The following DCAF4 variants were observed in gnomAD, a reference collection of about 807,000 sequenced individuals.
DCAF4 encodes DDB1 and CUL4 associated factor 4.
DCAF4 carries 37 observed loss-of-function variants against 60.9 expected under a neutral mutation model. That is an observed-to-expected ratio of 0.61 (90% CI 0.47 to 0.80). DCAF4 has a LOEUF of 0.80. Among genes scored for constraint, DCAF4 ranks in the 30% least tolerant of loss-of-function variants. The pLI is 0.00. For synonymous variants in DCAF4, 243 were observed against 254.8 expected, an observed-to-expected ratio of 0.95 and a Z score of 0.44; for missense variants, 577 against 650.0, an observed-to-expected ratio of 0.89 and a Z score of 1.22.
At chr14:72,943,165 G>A in intron 6 of DCAF4, 69 bp downstream of exon 6, 1 of 1,431,002 alleles carries the variant, frequency 7.0e-7, no homozygotes, top group Non-Finnish European at 9.8e-7. Flanking sequence ...GCTTAGCGTT[G>A]CCAGTCATCA....
At chr14:72,934,549 CAA>C (rs1389398501) in intron 1 of DCAF4, among the ~76,000 whole-genome samples, 3 of 152,156 alleles carry the variant, frequency 2.0e-5, no homozygotes, top group Admixed American at 6.5e-5. Flanking sequence ...CTCAGTCTGC[CAA>C]AGTGCTGGGA....
intron 11 of DCAF4, 128 bp from the exon 12 acceptor site, chr14:72,955,395 C>T (rs1055589409): frequency 1.2e-5 from 13 of 1,126,348 alleles, no homozygotes; most frequent in Non-Finnish European, 1.5e-5. Context: ...CAAACCCTGA[C>T]CAGCACGTGT....
rs758174459 is a variant in DCAF4 at position 72,956,475 on chromosome 14, C to T, written c.1269C>T (p.His423=). ...NEYAYLPLHV[H]EEEGILVAVG... is the part of the protein sequence containing the mutation. The stretch of plus-strand genomic sequence containing the variant: ...ACGCCTACCTGCCCCTGCATGTGCA[C>T]GAGGAAGAAGGAATCCTGGTGGCAG... Residue 423 remains histidine (H), a synonymous_variant, in exon 13 of 14, where the codon CAC becomes CAT. Coordinates refer to ENST00000358377, the MANE Select transcript of DCAF4 (RefSeq NM_015604.4). The T allele has an allele frequency of 1.1e-5, 18 of 1,612,848 alleles. No individual in the cohort carries two copies. The highest frequency in any genetic ancestry group is 4.0e-5 in the African/African-American group (3 of 74,858).
At chr14:72,938,780 C>G (rs929894865) in intron 2 of DCAF4, among the ~76,000 whole-genome samples, 1 of 152,020 alleles carries the variant, frequency 6.6e-6, no homozygotes, top group Non-Finnish European at 1.5e-5. Flanking sequence ...GTATGACACT[C>G]CTGTGAACAG....
At chr14:72,943,859 G>A (rs61988547) in intron 6 of DCAF4, among the ~76,000 whole-genome samples, 7,231 of 152,240 alleles carry the variant, frequency 0.047, 234 homozygotes, top group Non-Finnish European at 0.075. Flanking sequence ...ACTGGAGGCC[G>A]ATGCTAGAGA....
intron 13 of DCAF4, chr14:72,957,473 G>A (rs1052018040): frequency 3.3e-5 from 5 of 152,266 alleles, no homozygotes; most frequent in Non-Finnish European, 7.4e-5. Flanking sequence ...CTATAGAAAG[G>A]GCTTATACCC....
chr14:72,961,865 C>A, downstream of DCAF4: 2 of 1,094,414 alleles, frequency 1.8e-6, no homozygotes, highest in Non-Finnish European at 2.3e-6. Context: ...TCCTCTCCAG[C>A]AGATGGCCAC....
intron 6 of DCAF4, 125 bp downstream of exon 6, chr14:72,943,221 T>A: frequency 1.2e-6 from 1 of 828,448 alleles, no homozygotes; most frequent in Non-Finnish European, 1.9e-6. Context: ...AGGTGGCATC[T>A]TCTTGGTTGT....
At chr14:72,941,689 C>T (rs1176841150) in intron 4 of DCAF4, 56 bp from the exon 5 acceptor site, 10 of 1,521,652 alleles carry the variant, frequency 6.6e-6, no homozygotes, top group Non-Finnish European at 9.1e-6. Flanking sequence ...CATTCTCCAT[C>T]ATCCCCTAAC....
intron 9 of DCAF4, 67 bp downstream of exon 9, chr14:72,951,944 A>G (rs947950395): frequency 1.9e-6 from 3 of 1,563,126 alleles, no homozygotes; most frequent in South Asian, 2.2e-5. Flanking sequence ...GGGGTGGCTT[A>G]GAGAGAAGTA....
chr14:72,955,623 AT>A lies in DCAF4; in HGVS notation c.1107del (p.His369GlnfsTer5). ...GKGWKATRLFHDSAVTSVRIL... is the reference protein window; with the variant it reads ...GKGWKATRLFXDSAVTSVRIL... ...GGATGGAAGGCCACCCGCCTGTTTC[AT>A]GATTCAGCAGTGACCTCTGTGCGGA... On this transcript the variant is annotated frameshift_variant, in exon 12 of 14. Coordinates refer to ENST00000358377, the MANE Select transcript of DCAF4 (RefSeq NM_015604.4). LOFTEE classifies it high-confidence loss of function. 1 of 1,614,176 alleles carries A rather than the reference AT, an allele frequency of 6.2e-7. No individual in the cohort carries two copies. The highest frequency in any genetic ancestry group is 8.5e-7 in the Non-Finnish European group (1 of 1,180,020).
chr14:72,936,557 C>T (rs1889300393), intron 1 of DCAF4, among the ~76,000 whole-genome samples: 1 of 116,886 alleles, frequency 8.6e-6, no homozygotes, highest in Non-Finnish European at 1.8e-5. Flanking sequence ...GAGCGAGACT[C>T]CATCTCAAAA....
At chr14:72,928,543 T>C (rs1044635295) in intron 1 of DCAF4, among the ~76,000 whole-genome samples, 7 of 151,338 alleles carry the variant, frequency 4.6e-5, no homozygotes, top group Admixed American at 1.3e-4. Flanking sequence ...ATCTAGGATG[T>C]TTCTCACTTT....
chr14:72,960,213 A>G (rs530467515), downstream of DCAF4, among the ~76,000 whole-genome samples: 1 of 151,190 alleles, frequency 6.6e-6, no homozygotes, highest in East Asian at 2.0e-4. Context: ...CTGGAGTGCA[A>G]TGGCGCTCTC....
At chr14:72,945,342 A>G (rs1010617183) in intron 6 of DCAF4, among the ~76,000 whole-genome samples, 1 of 152,056 alleles carries the variant, frequency 6.6e-6, no homozygotes, top group Non-Finnish European at 1.5e-5. Flanking sequence ...ATCATAAGCC[A>G]TGATCATGCT....
chr14:72,937,983 A>G lies in DCAF4; in HGVS notation c.5A>G (p.Asn2Ser). 4.4e-6 allele frequency: 7 copies of G among 1,602,964 alleles called. No homozygotes were observed. The highest frequency in any genetic ancestry group is 5.9e-6 in the Non-Finnish European group (7 of 1,177,086). ...TTTTCTCTTTTAGGAACAGAAATGA[A>G]TAAAAGTCGCTGGCAGAGTAGAAGA... is the stretch of plus-strand genomic sequence containing the variant. M[N>S]KSRWQSRRRH... Residue 2 changes from asparagine (N) to serine (S), a missense_variant, in exon 2 of 14, where the codon AAT (asparagine) becomes AGT (serine). By Grantham distance (46) the Asn-to-Ser change is conservative (BLOSUM62 1). Transcript: ENST00000358377.
At chr14:72,942,285 C>T (rs1262599122) in intron 5 of DCAF4, 1 of 157,242 alleles carries the variant, frequency 6.4e-6, no homozygotes, top group East Asian at 1.9e-4. Context: ...TACTTTCCCC[C>T]ATTTCCTGAA....
chr14:72,952,781 G>GC, intron 9 of DCAF4, among the ~76,000 whole-genome samples: 1 of 132,144 alleles, frequency 7.6e-6, no homozygotes, highest in East Asian at 2.5e-4. Context: ...CACAACCTCC[G>GC]CCTCCCAGGT....
rs1888283154 is a variant in DCAF4, at chr14:72,929,796, C to T, written c.-9+3253C>T. ...GTACGAAGCGAAGCCACACACCTCC[C>T]GGATCATGTCCCGCTACAAACTTGG... On this transcript the variant is annotated intron_variant, in intron 1 of 13. Coordinates refer to ENST00000358377, the MANE Select transcript of DCAF4 (RefSeq NM_015604.4). 8.0e-6 allele frequency: 9 copies of T among 1,122,222 alleles called. No homozygotes were observed. In the South Asian group the frequency reaches 9.9e-5, roughly 12 times the overall value. The allele number at this position is 1,122,222 out of a possible 1,614,324, so 69.5% of individuals were successfully genotyped here.
Sources: allele counts gnomAD v4.1 joint callset (sites outside exome capture counted in the v4.1 genomes callset), GRCh38; gene constraint gnomAD v4.1.1; transcripts MANE v1.5; gene names NCBI Gene and HGNC (gene_info 2026-07-23, HGNC 2026-07-21).